The following MTMR2 variants were observed in gnomAD, a reference collection of about 807,000 sequenced individuals.
MTMR2 encodes the protein phosphatidylinositol-3,5-bisphosphate 3-phosphatase MTMR2.
MTMR2 carries 55 observed loss-of-function variants against 86.9 expected under a neutral mutation model. The ratio of observed to expected loss-of-function variants is 0.63; its 90% CI spans 0.51 to 0.79. MTMR2 has a LOEUF of 0.79. Ranked by LOEUF, MTMR2 falls within the 30% of genes least tolerant of loss-of-function variation. The probability of loss-of-function intolerance (pLI) is 0.00; values close to 1 mark genes in which losing one functional copy is unlikely to be tolerated. For synonymous variants in MTMR2, 241 were observed against 266.8 expected (o/e 0.90, Z 0.94); for missense variants, 659 against 772.3 (o/e 0.85, Z 1.74).
chr11:95,916,278 TC>T (rs1866700489), intron 1 of MTMR2, among the ~76,000 whole-genome samples: 1 of 152,156 alleles, frequency 6.6e-6, no homozygotes, highest in Admixed American at 6.5e-5. Context: ...CACAAAGGCC[TC>T]ACAGATGAGA....
chr11:95,885,254 T>C (rs1456399938), intron 2 of MTMR2, among the ~76,000 whole-genome samples: 4 of 152,118 alleles, frequency 2.6e-5, no homozygotes, highest in African/African-American at 9.7e-5. Context: ...ATCTCCAGAT[T>C]GTACATTTGC....
chr11:95,874,147 C>A (rs1364222489), intron 2 of MTMR2, among the ~76,000 whole-genome samples: 2 of 152,078 alleles, frequency 1.3e-5, no homozygotes, highest in Admixed American at 6.5e-5. Context: ...TCCTGGATAT[C>A]CTTGTTAACT....
intron 12 of MTMR2, among the ~76,000 whole-genome samples, chr11:95,840,987 G>A (rs868262334): frequency 1.2e-4 from 19 of 152,134 alleles, no homozygotes; most frequent in Middle Eastern, 3.4e-3. Context: ...ACAATGACCC[G>A]TTGCCTCATT....
chr11:95,870,991 G>C (rs961246276), intron 2 of MTMR2, among the ~76,000 whole-genome samples: 2 of 151,772 alleles, frequency 1.3e-5, no homozygotes, highest in African/African-American at 4.8e-5. Context: ...GCGGTGTTTG[G>C]TGTTTTGTCC....
chr11:95,850,519 ATCCATTCTCCTACTCATTAATC>A, intron 8 of MTMR2, 59 bp downstream of exon 8: 1 of 1,366,398 alleles, frequency 7.3e-7, no homozygotes, highest in Non-Finnish European at 1.0e-6. Context: ...TATATCCTGA[ATCCATTCTCCTACTCATTAATC>A]TCAGCATTAT....
At position 95,849,721 on chromosome 11, in the gene MTMR2, T is replaced by A. The variant is rs762828462; in HGVS notation, c.946A>T (p.Ile316Phe). The A allele has an allele frequency of 3.1e-6, 5 of 1,613,976 alleles. No individual in the cohort carries two copies. The highest frequency in any genetic ancestry group is 3.4e-6 in the Non-Finnish European group (4 of 1,179,978). The change falls in exon 9 of 15, where the codon ATC becomes TTC. Residue 316 changes from isoleucine (I) to phenylalanine (F), a missense_variant. Around this residue, in one of 3 missense-constraint regions of MTMR2, gnomAD observed 387 missense variants for 526.3 expected, o/e 0.74. Transcript: ENST00000346299. ...IMDSNAQSHK[I>F]FIFDARPSVN... ...CTTGGCCGGGCATCAAATATAAAGA[T>A]TTTGTGAGACTGGGCATTGGAATCC...
At chr11:95,842,842 T>TAAAG (rs1464102627) in intron 11 of MTMR2, among the ~76,000 whole-genome samples, 1 of 152,070 alleles carries the variant, frequency 6.6e-6, no homozygotes, top group Non-Finnish European at 1.5e-5. Context: ...ACAGTTAAAT[T>TAAAG]AAAGAAAAAA....
At chr11:95,864,944 T>C (rs559578409) in intron 3 of MTMR2, among the ~76,000 whole-genome samples, 1 of 152,294 alleles carries the variant, frequency 6.6e-6, no homozygotes, top group South Asian at 2.1e-4. Flanking sequence ...TTCTAACATA[T>C]TACTTTATTT....
chr11:95,841,748 T>C, intron 11 of MTMR2, 39 bp from the exon 12 acceptor site: 1 of 1,425,090 alleles, frequency 7.0e-7, no homozygotes, highest in Non-Finnish European at 9.9e-7. Context: ...CTTAGGGGGA[T>C]TTTTCATGTT....
chr11:95,912,156 C>A (rs1235435926), intron 1 of MTMR2, among the ~76,000 whole-genome samples: 1 of 147,274 alleles, frequency 6.8e-6, no homozygotes, highest in African/African-American at 2.5e-5. Context: ...CAACATCTTT[C>A]TCTTTGTAGT....
At chr11:95,883,038 G>T (rs568075090) in intron 2 of MTMR2, among the ~76,000 whole-genome samples, 6 of 151,454 alleles carry the variant, frequency 4.0e-5, no homozygotes, top group African/African-American at 1.5e-4. Flanking sequence ...GATCCACCGC[G>T]CCCGGCCAAA....
intron 12 of MTMR2, among the ~76,000 whole-genome samples, chr11:95,838,793 A>C (rs896908689): frequency 6.6e-6 from 1 of 152,080 alleles, no homozygotes; most frequent in African/African-American, 2.4e-5. Flanking sequence ...GCAGCATCTA[A>C]CAAAAAGAAA....
chr11:95,871,632 T>C (rs1226052872), intron 2 of MTMR2, among the ~76,000 whole-genome samples: 1 of 152,218 alleles, frequency 6.6e-6, no homozygotes, highest in Non-Finnish European at 1.5e-5. Flanking sequence ...TTCTGGATAT[T>C]AGGCCTTTGT....
At chr11:95,851,036 A>G (rs889001837) in intron 7 of MTMR2, among the ~76,000 whole-genome samples, 1 of 149,620 alleles carries the variant, frequency 6.7e-6, no homozygotes, top group South Asian at 2.1e-4. Flanking sequence ...GGAAGGAAAC[A>G]GTAAGACTTC....
At chr11:95,862,555 A>C (rs1307681668) in intron 3 of MTMR2, among the ~76,000 whole-genome samples, 189 bp from the exon 4 acceptor site, 1 of 152,208 alleles carries the variant, frequency 6.6e-6, no homozygotes, top group African/African-American at 2.4e-5. Flanking sequence ...GAAGAAACAC[A>C]GAATTAAATG....
intron 8 of MTMR2, among the ~76,000 whole-genome samples, chr11:95,850,328 A>G (rs1029097292): frequency 2.0e-5 from 3 of 152,138 alleles, no homozygotes; most frequent in Non-Finnish European, 4.4e-5. Flanking sequence ...CAATAAGATA[A>G]ATAAATAGTG....
chr11:95,893,845 A>G (rs1343015527), intron 1 of MTMR2, among the ~76,000 whole-genome samples: 1 of 152,162 alleles, frequency 6.6e-6, no homozygotes, highest in Non-Finnish European at 1.5e-5. Context: ...TCTCTGGACT[A>G]GTGCAAATAA....
chr11:95,858,318 G>C (rs1426745938), intron 6 of MTMR2, among the ~76,000 whole-genome samples: 1 of 152,094 alleles, frequency 6.6e-6, no homozygotes, highest in South Asian at 2.1e-4. Context: ...AAATGTTAGT[G>C]CTGGAATGGA....
intron 7 of MTMR2, among the ~76,000 whole-genome samples, chr11:95,854,196 T>C (rs1253636586): frequency 1.3e-5 from 2 of 152,164 alleles, no homozygotes. Flanking sequence ...TCAGACACTC[T>C]CTTTGTAGAC....
Sources: gnomAD v4.1 joint callset for allele counts (sites outside exome capture counted in the v4.1 genomes callset) on GRCh38, gnomAD v4.1.1 for gene constraint, gnomAD v4.1.1 regional missense constraint, MANE v1.5 for transcripts, NCBI Gene and HGNC (gene_info 2026-07-23, HGNC 2026-07-21) for gene names.